CCSER2: variants seen among roughly 807,000 people sequenced by gnomAD.
CCSER2 encodes the protein coiled-coil serine rich protein 2.
Under a neutral mutation model 92.3 loss-of-function variants are expected in CCSER2, and 46 were observed. The ratio of observed to expected loss-of-function variants is 0.50; its 90% confidence interval spans 0.39 to 0.64. The LOEUF (loss-of-function observed/expected upper bound fraction) is 0.64. CCSER2 is among the 30% of genes least tolerant of loss of function. The pLI is 0.00. For missense variants in CCSER2, 1,244 were observed against 1,238.9 expected, an observed-to-expected ratio of 1.00 and a Z score of -0.06; for synonymous variants, 433 against 431.4, an observed-to-expected ratio of 1.00 and a Z score of -0.04.
chr10:84,354,139 C>G (rs907230073), intron 1 of CCSER2, among the ~76,000 whole-genome samples: 1 of 151,886 alleles, frequency 6.6e-6, no homozygotes, highest in Non-Finnish European at 1.5e-5. Context: ...GTCGAGGCTG[C>G]GGTGAGCTGT....
At position 84,474,055 on chromosome 10, in the gene CCSER2, G is replaced by GT. The variant is rs574164791; in HGVS notation, c.2236-3517dup. ...TGAGAATTAACTGAAAGGCATAGAAGTTTAACTATTCAAACCTTACTAAAA... is the reference window on the plus strand; with the variant it reads ...TGAGAATTAACTGAAAGGCATAGAAGTTTTAACTATTCAAACCTTACTAAAA... On this transcript the variant is annotated intron_variant, in intron 8 of 9. Transcript: ENST00000372088. Among the ~76,000 whole-genome samples the GT allele has an allele frequency of 1.1e-3, 161 of 152,288 alleles. 1 individual carries two copies. The highest frequency in any genetic ancestry group is 1.8e-3 in the Non-Finnish European group (125 of 68,022).
At chr10:84,351,428 C>T (rs1038004490) in intron 1 of CCSER2, among the ~76,000 whole-genome samples, 1 of 151,966 alleles carries the variant, frequency 6.6e-6, no homozygotes, top group Admixed American at 6.6e-5. Context: ...GATGAGGTTT[C>T]GTCCTGTTGG....
At chr10:84,342,686 C>T (rs1589394094) in intron 1 of CCSER2, among the ~76,000 whole-genome samples, 1 of 152,188 alleles carries the variant, frequency 6.6e-6, no homozygotes, top group East Asian at 1.9e-4. Context: ...ACACACTTCA[C>T]ACATTCTTTT....
At chr10:84,365,359 A>G (rs1467471308) in intron 1 of CCSER2, among the ~76,000 whole-genome samples, 1 of 152,206 alleles carries the variant, frequency 6.6e-6, no homozygotes. Flanking sequence ...TGTCTATTTT[A>G]TTTTATTTCA....
intron 3 of CCSER2, among the ~76,000 whole-genome samples, chr10:84,394,209 T>C (rs1259375012): frequency 6.6e-6 from 1 of 152,218 alleles, no homozygotes. Context: ...CTTGAGCTTC[T>C]ACTATGCTCC....
intron 3 of CCSER2, among the ~76,000 whole-genome samples, chr10:84,388,806 T>C (rs1403731536): frequency 6.6e-6 from 1 of 152,140 alleles, no homozygotes; most frequent in Non-Finnish European, 1.5e-5. Flanking sequence ...AATAGGGTTC[T>C]CTCTCCTATG....
Position 84,373,650 on chromosome 10 carries a change from G to A in CCSER2, c.1449G>A (p.Gly483=), listed in dbSNP as rs1846184644. Residue 483 remains glycine (G), a synonymous_variant, in exon 3 of 10, where the codon GGG becomes GGA. Coordinates refer to ENST00000372088, the MANE Select transcript of CCSER2 (RefSeq NM_001284240.2). ...DRSECTKHTS[G]NNLVSPDTDY... ...GTGAATGTACAAAACATACTTCTGG[G>A]AATAATTTGGTTTCACCAGATACAG... 6.2e-7 allele frequency: 1 copy of A among 1,613,000 alleles called. No individual in the cohort carries two copies. The highest frequency in any genetic ancestry group is 1.7e-5 in the Admixed American group (1 of 59,894).
chr10:84,492,896 G>T (rs1197276141), intron 9 of CCSER2, among the ~76,000 whole-genome samples: 1 of 152,068 alleles, frequency 6.6e-6, no homozygotes, highest in Non-Finnish European at 1.5e-5. Flanking sequence ...TATTCTGGGG[G>T]TTAATGCTTT....
chr10:84,387,783 C>T (rs1384506476), intron 3 of CCSER2, among the ~76,000 whole-genome samples: 2 of 152,190 alleles, frequency 1.3e-5, no homozygotes, highest in African/African-American at 4.8e-5. Flanking sequence ...CCACCTCGGC[C>T]TCCCAAAGTG....
intron 4 of CCSER2, among the ~76,000 whole-genome samples, chr10:84,424,495 A>G (rs942060632): frequency 1.3e-5 from 2 of 152,212 alleles, no homozygotes; most frequent in Admixed American, 1.3e-4. Flanking sequence ...GAGGAAATAC[A>G]TTAAAATGAA....
At chr10:84,406,255 G>A (rs1333756388) in intron 3 of CCSER2, among the ~76,000 whole-genome samples, 3 of 152,186 alleles carry the variant, frequency 2.0e-5, no homozygotes, top group Non-Finnish European at 4.4e-5. Context: ...TTGACAGAAG[G>A]TATGGATGGG....
chr10:84,351,678 T>G (rs1389001791), intron 1 of CCSER2, among the ~76,000 whole-genome samples: 8 of 152,326 alleles, frequency 5.3e-5, no homozygotes, highest in Admixed American at 4.6e-4. Context: ...CCCAGAAGTT[T>G]TAAAATATAG....
chr10:84,510,657 T>C (rs1005610327), intron 9 of CCSER2, among the ~76,000 whole-genome samples: 7 of 152,222 alleles, frequency 4.6e-5, no homozygotes, highest in Non-Finnish European at 8.8e-5. Context: ...CAAGATGAAT[T>C]AACATCTGGC....
intron 6 of CCSER2, among the ~76,000 whole-genome samples, chr10:84,449,589 A>G (rs1342737601): frequency 3.3e-5 from 5 of 152,170 alleles, no homozygotes; most frequent in Admixed American, 3.3e-4. Flanking sequence ...GCGGTGGCTC[A>G]TGCCTGTATA....
At chr10:84,357,644 G>T (rs911545494) in intron 1 of CCSER2, among the ~76,000 whole-genome samples, 1 of 152,040 alleles carries the variant, frequency 6.6e-6, no homozygotes, top group African/African-American at 2.4e-5. Context: ...TAGAGACGGG[G>T]TTTCACCGTG....
chr10:84,464,620 G>A (rs545260286), intron 7 of CCSER2, among the ~76,000 whole-genome samples: 1 of 152,084 alleles, frequency 6.6e-6, no homozygotes, highest in South Asian at 2.1e-4. Flanking sequence ...GTGTTTGCTA[G>A]TCATCTACAG....
chr10:84,373,933 A>G (rs562608742), intron 3 of CCSER2, 118 bp downstream of exon 3: 1 of 1,512,834 alleles, frequency 6.6e-7, no homozygotes. Context: ...GAGAAATGGA[A>G]ATTCATATTT....
chr10:84,384,039 A>G (rs1486467228), intron 3 of CCSER2, among the ~76,000 whole-genome samples: 1 of 152,328 alleles, frequency 6.6e-6, no homozygotes, highest in East Asian at 1.9e-4. Flanking sequence ...TAGAAAACCT[A>G]GAGGAAGTGG....
At chr10:84,394,122 C>T (rs528783863) in intron 3 of CCSER2, among the ~76,000 whole-genome samples, 36 of 152,252 alleles carry the variant, frequency 2.4e-4, no homozygotes, top group South Asian at 4.1e-4. Context: ...ATTCTTTAAA[C>T]ATAATTATAT....
Sources: gnomAD v4.1 joint callset for allele counts (sites outside exome capture counted in the v4.1 genomes callset) on GRCh38, gnomAD v4.1.1 for gene constraint, MANE v1.5 for transcripts, NCBI Gene and HGNC (gene_info 2026-07-23, HGNC 2026-07-21) for gene names.